The following POGZ variants were observed in gnomAD, a reference collection of about 807,000 sequenced individuals.
The protein encoded by POGZ is pogo transposable element derived with ZNF domain, also known as pogo transposable element with ZNF domain.
POGZ carries 17 observed loss-of-function variants against 134.6 expected under a neutral mutation model. The ratio of observed to expected loss-of-function variants is 0.13; its 90% CI spans 0.09 to 0.19. POGZ has a LOEUF of 0.19. Ranked by LOEUF, POGZ falls within the 10% of genes least tolerant of loss-of-function variation. The probability of loss-of-function intolerance (pLI) is 1.00; values close to 1 mark genes in which losing one functional copy is unlikely to be tolerated. For missense variants in POGZ, 1,306 were observed against 1,769.7 expected (o/e 0.74, Z 4.70); for synonymous variants, 693 against 657.1 (o/e 1.05, Z -0.84).
rs1166629522 is a variant in POGZ, at chr1:151,429,415, TAAATA to T, written c.568+183_568+187del. On this transcript the variant is annotated intron_variant, in intron 5 of 18. Transcript: ENST00000271715. ...AGGGTGGTGAAAAGCTAAACAGAAA[TAAATA>T]AAACCACCACCCTGGCCAAAGGTTA... 2.1e-5 allele frequency: 8 copies of T among 374,498 alleles called. No homozygotes were observed. The East Asian group carries it at 3.4e-4, about 16-fold the overall frequency. 23.2% of individuals were successfully genotyped at this position (374,498 alleles called of 1,614,324 possible). A position where few individuals can be genotyped will look rare whatever the true frequency, so the allele number is the denominator to read the frequency against.
Position 151,403,765 on chromosome 1 carries a change from T to C in POGZ, c.*1037A>G, listed in dbSNP as rs1293310161. 2 of 985,374 alleles carry C rather than the reference T, an allele frequency of 2.0e-6. No individual in the cohort carries two copies. 61.0% of individuals were successfully genotyped at this position (985,374 alleles called of 1,614,324 possible). On this transcript the variant is annotated 3_prime_UTR_variant, in exon 19 of 19. Coordinates refer to ENST00000271715, the MANE Select transcript of POGZ (RefSeq NM_015100.4). ...GTCTTGTCTTTTTAAAGTTCAACAC[T>C]TCTTGAACAATTAGCTCCTGGCTGT...
chr1:151,410,205 A>C (rs1654424982), intron 12 of POGZ, among the ~76,000 whole-genome samples: 1 of 152,252 alleles, frequency 6.6e-6, no homozygotes, highest in Non-Finnish European at 1.5e-5. Context: ...GGAAAATAAA[A>C]GCAATAAAAA....
intron 5 of POGZ, chr1:151,429,366 A>T (rs1361955668): frequency 3.6e-6 from 1 of 279,828 alleles, no homozygotes. Context: ...AAATGACTGT[A>T]AACTCTGTTT....
intron 3 of POGZ, among the ~76,000 whole-genome samples, chr1:151,437,365 CCTCTT>C (rs1276731205): frequency 6.6e-6 from 1 of 151,914 alleles, no homozygotes; most frequent in Non-Finnish European, 1.5e-5. Context: ...GAAATCTTTC[CCTCTT>C]CTGAGACCAC....
At chr1:151,430,888 T>C in intron 3 of POGZ, 47 bp from the exon 4 acceptor site, 1 of 1,285,470 alleles carries the variant, frequency 7.8e-7, no homozygotes, top group Non-Finnish European at 1.1e-6. Context: ...AGAAACAATG[T>C]TAAACCCACA....
intron 3 of POGZ, 79 bp downstream of exon 3, chr1:151,440,849 G>T (rs1378940291): frequency 8.3e-7 from 1 of 1,202,856 alleles, no homozygotes; most frequent in Non-Finnish European, 1.2e-6. Context: ...TAACTAAACA[G>T]GTAGGGCTGT....
intron 3 of POGZ, 56 bp from the exon 4 acceptor site, chr1:151,430,897 CATTTTACTTTATTTT>C (rs1658572847): frequency 1.8e-6 from 2 of 1,122,266 alleles, no homozygotes; most frequent in Non-Finnish European, 2.4e-6. Flanking sequence ...GTTAAACCCA[CATTTTACTTTATTTT>C]ATTTTATTTT....
intron 7 of POGZ, chr1:151,426,133 T>C (rs529877322): frequency 3.3e-5 from 5 of 152,312 alleles, no homozygotes; most frequent in South Asian, 4.1e-4. Flanking sequence ...CATGAGCTTA[T>C]TGGCAATAAC....
intron 4 of POGZ, 30 bp from the exon 5 acceptor site, chr1:151,429,741 AT>A: frequency 7.8e-7 from 1 of 1,277,280 alleles, no homozygotes; most frequent in Non-Finnish European, 1.1e-6. Context: ...GATCTTTAAC[AT>A]GGAGACCAAT....
intron 10 of POGZ, among the ~76,000 whole-genome samples, chr1:151,419,680 A>AAC (rs1656525772): frequency 6.9e-6 from 1 of 145,406 alleles, no homozygotes; most frequent in Non-Finnish European, 1.5e-5. Context: ...AAAAAAAAAA[A>AAC]AAAAAAAAAA....
chr1:151,431,521 A>G (rs1179653033), intron 3 of POGZ, among the ~76,000 whole-genome samples: 1 of 152,206 alleles, frequency 6.6e-6, no homozygotes, highest in Non-Finnish European at 1.5e-5. Context: ...TAAATCTGAG[A>G]AATGCAAGAT....
chr1:151,406,071 A>G lies in POGZ; in HGVS notation c.2964T>C (p.Asn988=). 5.6e-6 allele frequency: 9 copies of G among 1,614,182 alleles called. No individual in the cohort carries two copies. The highest frequency in any genetic ancestry group is 6.8e-6 in the Non-Finnish European group (8 of 1,180,030). ...LRVVLFALCC[N]TEQAAEHFRN... ...GGAAGTGTTCAGCTGCCTGTTCTGT[A>G]TTGCAGCATAGAGCAAACAGTACTA... Residue 988 remains asparagine, a synonymous_variant, in exon 19 of 19, where the codon AAT becomes AAC. Coordinates refer to ENST00000271715, the MANE Select transcript of POGZ (RefSeq NM_015100.4).
Position 151,408,159 on chromosome 1 carries a change from G to A in POGZ, c.2316C>T (p.His772=). 2 of 1,613,480 alleles carry A rather than the reference G, an allele frequency of 1.2e-6. No homozygotes were observed. Among genetic ancestry groups the A allele is most frequent in the East Asian group, 2.2e-5 (1 of 44,876 alleles). Residue 772 remains histidine, a synonymous_variant, in exon 15 of 19, where the codon CAC becomes CAT. Coordinates refer to ENST00000271715, the MANE Select transcript of POGZ (RefSeq NM_015100.4). ...DFPNHFPTYV[H]CSLCRYSTCC... is the part of the protein sequence containing the mutation. The stretch of plus-strand genomic sequence containing the variant: ...AGGTGCTATAGCGACACAGAGAGCA[G>A]TGTACGTAAGTAGGGAAATGATTAG...
At chr1:151,438,845 C>T (rs925442282) in intron 3 of POGZ, among the ~76,000 whole-genome samples, 1 of 151,800 alleles carries the variant, frequency 6.6e-6, no homozygotes, top group South Asian at 2.1e-4. Context: ...CCACTGCACT[C>T]CAGCGTGGGT....
chr1:151,408,872 T>C (rs368526372), intron 12 of POGZ, 44 bp from the exon 13 acceptor site: 5 of 1,576,462 alleles, frequency 3.2e-6, no homozygotes, highest in Non-Finnish European at 4.3e-6. Context: ...CCCTTAAAGG[T>C]TCCTAATAAA....
rs559754957 is a variant in POGZ at position 151,405,054 on chromosome 1, A to G, written c.3981T>C (p.Ser1327=). ...TGTTGCCATCGGGGCCAGGCAGAAC[A>G]CTAGCCACCAGGAAGGAGCGCTGAA... The part of the protein sequence containing the change: ...ELVQRSFLVA[S]VLPGPDGNIN... Residue 1327 remains serine (S), a synonymous_variant, in exon 19 of 19, where the codon AGT becomes AGC. Coordinates refer to ENST00000271715, the MANE Select transcript of POGZ (RefSeq NM_015100.4). This position sits in a 1 kb window ranked among gnomAD's most constrained non-coding sequence, Gnocchi z 4.9. 3.2e-5 allele frequency: 52 copies of G among 1,614,112 alleles called. No homozygotes were observed. The South Asian group carries it at 5.4e-4, about 17-fold the overall frequency.
Position 151,403,956 on chromosome 1 carries a change from T to G in POGZ, c.*846A>C. ...GTATCTCTTGCTTGCTAATAACACC[T>G]GTATGATCCTTTGTCCAGAGGGATG... On this transcript the variant is annotated 3_prime_UTR_variant, in exon 19 of 19. Transcript: ENST00000271715. 1.0e-6 allele frequency: 1 copy of G among 985,442 alleles called. No homozygotes were observed. The allele number at this position is 985,442 out of a possible 1,614,324, so 61.0% of individuals were successfully genotyped here. A position where few individuals can be genotyped will look rare whatever the true frequency, so the allele number is the denominator to read the frequency against.
chr1:151,441,731 G>A (rs1003855976), intron 2 of POGZ, among the ~76,000 whole-genome samples: 1 of 152,056 alleles, frequency 6.6e-6, no homozygotes, highest in Admixed American at 6.6e-5. Context: ...ACAAGACTAT[G>A]GGAACCTATT....
chr1:151,428,496 T>C, intron 5 of POGZ, 83 bp from the exon 6 acceptor site: 2 of 1,216,504 alleles, frequency 1.6e-6, no homozygotes, highest in South Asian at 2.6e-5. Flanking sequence ...GGAAAGATTA[T>C]TTCCCCAAAC....
Sources: gnomAD v4.1 joint callset for allele counts (sites outside exome capture counted in the v4.1 genomes callset) on GRCh38, gnomAD v4.1.1 for gene constraint, Gnocchi (gnomAD v3.1) non-coding constraint, MANE v1.5 for transcripts, NCBI Gene and HGNC (gene_info 2026-07-23, HGNC 2026-07-21) for gene names.